The following SURF1 variants were observed in gnomAD, a reference collection of about 807,000 sequenced individuals.
SURF1 encodes surfeit locus protein 1.
A neutral mutation model predicts 34.1 loss-of-function variants in SURF1; 45 were observed. That is an observed-to-expected ratio of 1.32 (90% CI 1.04 to 1.69). The LOEUF (loss-of-function observed/expected upper bound fraction) is 1.69, where lower values mean the gene tolerates loss of function less well. Ranked by LOEUF, SURF1 falls within the 40% of genes most tolerant of loss-of-function variation. The pLI, the probability that SURF1 is intolerant of heterozygous loss-of-function variation, is 0.00. For synonymous variants in SURF1, 188 were observed against 147.5 expected (o/e 1.27, Z -1.99); for missense variants, 456 against 384.6 (o/e 1.19, Z -1.55).
In SURF1 at chr9:133,351,880, T is replaced by C; in HGVS notation, c.*33A>G. 6 of 1,607,030 alleles carry C rather than the reference T, an allele frequency of 3.7e-6. No individual in the cohort carries two copies. The highest frequency in any genetic ancestry group is 5.1e-6 in the Non-Finnish European group (6 of 1,175,864). ...ATAAAGGCAGTCTTGAAATACTGCA[T>C]TATCCAGGGACAGGGCTTCAGCAGC... On this transcript the variant is annotated 3_prime_UTR_variant, in exon 9 of 9. Transcript: ENST00000371974.
chr9:133,351,854 C>T lies in SURF1; in HGVS notation c.*59G>A, dbSNP rs1836418040. 4 of 1,548,592 alleles carry T rather than the reference C, an allele frequency of 2.6e-6. No individual in the cohort carries two copies. The highest frequency in any genetic ancestry group is 2.7e-6 in the Non-Finnish European group (3 of 1,129,890). On this transcript the variant is annotated 3_prime_UTR_variant, in exon 9 of 9. Coordinates refer to ENST00000371974, the MANE Select transcript of SURF1 (RefSeq NM_003172.4). The stretch of plus-strand genomic sequence containing the variant: ...TTTATACCAGTAGCACATGATCCAG[C>T]ATAAAGGCAGTCTTGAAATACTGCA...
chr9:133,352,348 G>C, intron 7 of SURF1, 98 bp downstream of exon 7: 3 of 1,588,240 alleles, frequency 1.9e-6, no homozygotes, highest in Non-Finnish European at 2.6e-6. Flanking sequence ...ACACATGTGA[G>C]AACATAAGCC....
Position 133,356,434 on chromosome 9 carries a change from A to C in SURF1, c.20T>G (p.Leu7Trp). The change falls in exon 1 of 9, where the codon TTG becomes TGG. Residue 7 changes from leucine to tryptophan, a missense_variant. Leu to Trp is a moderately conservative substitution (Grantham distance 61). Transcript: ENST00000371974. ...CCCCGCCGCCCGCAGCCCCAGCTGC[A>C]ACGCAGCCACCGCCGCCATCGCACC... MAAVAA[L>W]QLGLRAAGLG... The C allele has an allele frequency of 7.1e-7, 1 of 1,411,198 alleles. No homozygotes were observed. Among genetic ancestry groups the C allele is most frequent in the Non-Finnish European group, 9.2e-7 (1 of 1,083,728 alleles). 87.4% of individuals were successfully genotyped at this position (1,411,198 alleles called of 1,614,324 possible).
At chr9:133,352,941 C>T (rs2130010994) in intron 5 of SURF1, among the ~76,000 whole-genome samples, 175 bp from the exon 6 acceptor site, 1 of 152,342 alleles carries the variant, frequency 6.6e-6, no homozygotes, top group African/African-American at 2.4e-5. Flanking sequence ...TCTCTTGAGG[C>T]ACCTTCGTGG....
In SURF1 at chr9:133,352,707, C is replaced by CGCAG. The variant is rs2130009428; in HGVS notation, c.574_575insCTGC (p.Arg192ProfsTer8). ...CATGTCCCTTACCTGGCCTTTCTGC[C>CGCAG]GGGTTTCAGGATTCACTTTCTTCCT... On this transcript the variant is annotated frameshift_variant, in exon 6 of 9. Coordinates refer to ENST00000371974, the MANE Select transcript of SURF1 (RefSeq NM_003172.4). LOFTEE classifies it high-confidence loss of function. 128 of 1,613,318 alleles carry CGCAG rather than the reference C, an allele frequency of 7.9e-5. No individual in the cohort carries two copies. Among genetic ancestry groups the CGCAG allele is most frequent in the Non-Finnish European group, 1.0e-4 (122 of 1,179,828 alleles).
chr9:133,354,856 G>A lies in SURF1; in HGVS notation c.208C>T (p.Pro70Ser). Residue 70 changes from proline to serine, a missense_variant, in exon 3 of 9, where the codon CCT becomes TCT. By Grantham distance (74) the Pro-to-Ser change is moderately conservative. Transcript: ENST00000371974. ...SFLQWVLLLI[P>S]VTAFGLGTWQ... ...GTCCCCAAGCCAAAGGCAGTCACAG[G>A]GATGAGGAGCAGGACCCACTGAAGA... 6.2e-7 allele frequency: 1 copy of A among 1,614,036 alleles called. No homozygotes were observed. The highest frequency in any genetic ancestry group is 8.5e-7 in the Non-Finnish European group (1 of 1,180,036).
chr9:133,356,208 G>A, intron 2 of SURF1, 61 bp downstream of exon 2: 9 of 1,527,534 alleles, frequency 5.9e-6, no homozygotes, highest in South Asian at 1.2e-5. Context: ...TCAAAGTGCA[G>A]GGCAGACAGC....
chr9:133,353,069 G>A (rs2130012052), intron 5 of SURF1, among the ~76,000 whole-genome samples: 4 of 152,118 alleles, frequency 2.6e-5, no homozygotes, highest in African/African-American at 7.2e-5. Flanking sequence ...ACGCTGCCAC[G>A]CCAGAGTTTA....
chr9:133,356,436 C>T lies in SURF1; in HGVS notation c.18G>A (p.Ala6=), dbSNP rs1256975566. Residue 6 remains alanine, a synonymous_variant, in exon 1 of 9, where the codon GCG becomes GCA. Transcript: ENST00000371974. MAAVA[A]LQLGLRAAGL... Reference sequence around the variant, plus strand: ...CCGCCGCCCGCAGCCCCAGCTGCAACGCAGCCACCGCCGCCATCGCACCCG... The same window carrying T: ...CCGCCGCCCGCAGCCCCAGCTGCAATGCAGCCACCGCCGCCATCGCACCCG... 3.5e-6 allele frequency: 5 copies of T among 1,413,530 alleles called. No individual in the cohort carries two copies. Among genetic ancestry groups the T allele is most frequent in the Non-Finnish European group, 4.6e-6 (5 of 1,085,112 alleles). 87.6% of individuals were successfully genotyped at this position (1,413,530 alleles called of 1,614,324 possible). A position where few individuals can be genotyped will look rare whatever the true frequency, so the allele number is the denominator to read the frequency against.
At chr9:133,352,184 C>A in intron 7 of SURF1, 42 bp from the exon 8 acceptor site, 1 of 1,546,416 alleles carries the variant, frequency 6.5e-7, no homozygotes, top group Non-Finnish European at 8.8e-7. Context: ...TACTGGCCTG[C>A]CAGCCTCTGC....
intron 4 of SURF1, 143 bp downstream of exon 4, chr9:133,354,516 G>C: frequency 2.0e-6 from 2 of 999,556 alleles, no homozygotes; most frequent in Non-Finnish European, 3.2e-6. Flanking sequence ...AAGCCCAACA[G>C]ATGACTGATA....
At chr9:133,352,203 C>A in intron 7 of SURF1, 61 bp from the exon 8 acceptor site, 7 of 1,510,144 alleles carry the variant, frequency 4.6e-6, no homozygotes, top group Non-Finnish European at 6.3e-6. Flanking sequence ...GCACCACTTC[C>A]TAGTGGCTGT....
At chr9:133,353,981 G>A (rs1836504376) in intron 4 of SURF1, 41 bp from the exon 5 acceptor site, 2 of 1,612,308 alleles carry the variant, frequency 1.2e-6, no homozygotes, top group Non-Finnish European at 1.7e-6. Flanking sequence ...AGGTTTGGCT[G>A]GAAAACGAAT....
At position 133,354,672 on chromosome 9, in the gene SURF1, G is replaced by A; in HGVS notation, c.310C>T (p.Pro104Ser). The A allele has an allele frequency of 6.2e-7, 1 of 1,612,976 alleles. No individual in the cohort carries two copies. Among genetic ancestry groups the A allele is most frequent in the South Asian group, 1.1e-5 (1 of 91,044 alleles). The change falls in exon 4 of 9, where the codon CCT (proline) becomes TCT (serine). Residue 104 changes from proline to serine, a missense_variant. Transcript: ENST00000371974. ...CCATGCACTCACTCGGCTGGCAGAG[G>A]GACAGGCTCAGCCAGAACTCTGGAC... is the stretch of plus-strand genomic sequence containing the variant. ...LESRVLAEPVPLPADPMELKN... is the reference protein window; with the variant it reads ...LESRVLAEPVSLPADPMELKN...
intron 8 of SURF1, 30 bp downstream of exon 8, chr9:133,352,031 G>A (rs2130003777): frequency 5.0e-6 from 8 of 1,612,590 alleles, no homozygotes; most frequent in African/African-American, 1.3e-5. Context: ...GGCTGAAGGG[G>A]AGGAAGCCAG....
In SURF1 at chr9:133,354,758, T is replaced by C. The variant is rs2130018414; in HGVS notation, c.241-17A>G. The C allele has an allele frequency of 6.2e-7, 1 of 1,613,608 alleles. No homozygotes were observed. The highest frequency in any genetic ancestry group is 8.5e-7 in the Non-Finnish European group (1 of 1,180,012). On this transcript the variant is annotated splice_polypyrimidine_tract_variant and intron_variant, in intron 3 of 8. Coordinates refer to ENST00000371974, the MANE Select transcript of SURF1 (RefSeq NM_003172.4). The stretch of plus-strand genomic sequence containing the variant: ...ACGCTGGACCTACAGTGACAGAGCA[T>C]AAGGCCAAGCAGATGGCAGCAAGGT...
Position 133,354,706 on chromosome 9 carries a change from T to G in SURF1, c.276A>C (p.Ala92=). 3 of 1,613,538 alleles carry G rather than the reference T, an allele frequency of 1.9e-6. No individual in the cohort carries two copies. The highest frequency in any genetic ancestry group is 2.5e-6 in the Non-Finnish European group (3 of 1,180,016). ...QRRKWKLNLI[A]ELESRVLAEP... The stretch of plus-strand genomic sequence containing the variant: ...CAGCCAGAACTCTGGACTCCAACTC[T>G]GCAATCAGGTTCAGCTTCCACTTCC... The change falls in exon 4 of 9, where the codon GCA becomes GCC. Residue 92 remains alanine (A), a synonymous_variant. Transcript: ENST00000371974.
At chr9:133,352,631 T>C (rs1469343734) in intron 6 of SURF1, 23 bp from the exon 7 acceptor site, 3 of 1,613,968 alleles carry the variant, frequency 1.9e-6, no homozygotes, top group African/African-American at 1.3e-5. Context: ...GTGTGTGAGA[T>C]TGCATGGAGC....
intron 1 of SURF1, 28 bp from the exon 2 acceptor site, chr9:133,356,348 T>C (rs1342973824): frequency 2.0e-5 from 27 of 1,332,358 alleles, no homozygotes; most frequent in Non-Finnish European, 2.6e-5. Flanking sequence ...CGGGCTGAGC[T>C]CCGGGACCCC....
Sources: gnomAD v4.1 joint callset for allele counts (sites outside exome capture counted in the v4.1 genomes callset) on GRCh38, gnomAD v4.1.1 for gene constraint, MANE v1.5 for transcripts, NCBI Gene and HGNC (gene_info 2026-07-23, HGNC 2026-07-21) for gene names.